Variants in SMARCB1 observed in about 807,000 individuals in gnomAD.
SMARCB1 encodes the protein SWI/SNF related BAF chromatin remodeling complex subunit B1.
Under a neutral mutation model 49.0 loss-of-function variants are expected in SMARCB1, and 5 were observed. The observed-to-expected ratio is 0.10, with a 90% CI of 0.05 to 0.21. The LOEUF (loss-of-function observed/expected upper bound fraction) is 0.21. SMARCB1 is among the 10% of genes least tolerant of loss of function. The probability of loss-of-function intolerance (pLI) is 1.00; values close to 1 mark genes in which losing one functional copy is unlikely to be tolerated. For synonymous variants in SMARCB1, 201 were observed against 200.1 expected, an observed-to-expected ratio of 1.00 and a Z score of -0.04; for missense variants, 226 against 509.2, an observed-to-expected ratio of 0.44 and a Z score of 5.35.
chr22:23,798,514 C>T (rs1928916162), intron 3 of SMARCB1, among the ~76,000 whole-genome samples: 1 of 152,190 alleles, frequency 6.6e-6, no homozygotes, highest in Admixed American at 6.5e-5. Context: ...ATAGTCTCTG[C>T]CCAAGCTGAT....
chr22:23,837,416 C>G lies in SMARCB1; in HGVS notation c.*3236C>G, dbSNP rs9612486. The G allele has an allele frequency of 0.13, 83,014 of 640,772 alleles. 6,235 individuals are homozygous for G. The highest frequency in any genetic ancestry group is 0.27 in the South Asian group (13,395 of 49,882). 39.7% of individuals were successfully genotyped at this position (640,772 alleles called of 1,614,324 possible). A position where few individuals can be genotyped will look rare whatever the true frequency, so the allele number is the denominator to read the frequency against. The stretch of plus-strand genomic sequence containing the variant: ...GCCATGGGGCAGGAACCCTGACCCT[C>G]CCATCCTCACTCCCATCAGGACCGT... On this transcript the variant is annotated 3_prime_UTR_variant, in exon 9 of 9. Coordinates refer to ENST00000644036, the MANE Select transcript of SMARCB1 (RefSeq NM_003073.5).
Position 23,836,304 on chromosome 22 carries a change from C to A in SMARCB1, c.*2124C>A, listed in dbSNP as rs2031041805. On this transcript the variant is annotated 3_prime_UTR_variant, in exon 9 of 9. Transcript: ENST00000644036. ...AAAAATGAGGCATACGCCCACCTGT[C>A]AGGGTGGCTGATGAGAGACAGGAGA... 1.0e-6 allele frequency: 1 copy of A among 985,512 alleles called. No homozygotes were observed. The highest frequency in any genetic ancestry group is 1.2e-6 in the Non-Finnish European group (1 of 829,960). The allele number at this position is 985,512 out of a possible 1,614,324, so 61.0% of individuals were successfully genotyped here. A position where few individuals can be genotyped will look rare whatever the true frequency, so the allele number is the denominator to read the frequency against.
intron 7 of SMARCB1, chr22:23,825,687 C>T: frequency 2.0e-6 from 1 of 505,474 alleles, no homozygotes; most frequent in East Asian, 3.4e-5. Flanking sequence ...CTCCACGGAG[C>T]CCTGGCCTGC....
chr22:23,809,502 C>A (rs1390735831), intron 5 of SMARCB1, among the ~76,000 whole-genome samples: 1 of 150,578 alleles, frequency 6.6e-6, no homozygotes, highest in African/African-American at 2.4e-5. Flanking sequence ...CCTTGAACTC[C>A]CCACCTCAGG....
intron 3 of SMARCB1, among the ~76,000 whole-genome samples, chr22:23,794,234 G>A (rs1928603558): frequency 6.6e-6 from 1 of 152,212 alleles, no homozygotes; most frequent in African/African-American, 2.4e-5. Flanking sequence ...GAGCCACCGC[G>A]CCCGGTCCTG....
At chr22:23,830,146 G>A (rs796326713) in intron 7 of SMARCB1, among the ~76,000 whole-genome samples, 4 of 152,300 alleles carry the variant, frequency 2.6e-5, no homozygotes, top group African/African-American at 9.6e-5. Context: ...GTGAACATCT[G>A]TTTTCAATTT....
At chr22:23,819,694 T>C (rs1439038718) in intron 6 of SMARCB1, among the ~76,000 whole-genome samples, 1 of 151,912 alleles carries the variant, frequency 6.6e-6, no homozygotes, top group African/African-American at 2.4e-5. Context: ...TCCTGGATCG[T>C]ACAGTAATTC....
intron 5 of SMARCB1, among the ~76,000 whole-genome samples, chr22:23,814,446 A>C (rs1236677209): frequency 6.6e-6 from 1 of 152,114 alleles, no homozygotes; most frequent in Non-Finnish European, 1.5e-5. Context: ...TGGGCAGATC[A>C]CCTGAGATCA....
Position 23,816,863 on chromosome 22 carries a change from T to C in SMARCB1, c.722T>C (p.Ile241Thr), listed in dbSNP as rs2146010028. The C allele has an allele frequency of 6.2e-7, 1 of 1,614,086 alleles. No homozygotes were observed. Residue 241 changes from isoleucine (I) to threonine (T), a missense_variant, in exon 6 of 9, where the codon ATC becomes ACC. Transcript: ENST00000644036. The stretch of plus-strand genomic sequence containing the variant: ...TTTGTGCCAGCCATCGCCTCTGCCA[T>C]CAGACAGCAGATCGAGTCCTACCCC... ...LTFVPAIASA[I>T]RQQIESYPTD...
intron 5 of SMARCB1, among the ~76,000 whole-genome samples, chr22:23,806,102 C>T (rs1929477739): frequency 1.3e-5 from 2 of 152,196 alleles, no homozygotes; most frequent in African/African-American, 2.4e-5. Flanking sequence ...GGGAGTTGGG[C>T]GTGGCTCTGG....
At chr22:23,813,311 G>A (rs1297996529) in intron 5 of SMARCB1, among the ~76,000 whole-genome samples, 1 of 152,224 alleles carries the variant, frequency 6.6e-6, no homozygotes, top group Admixed American at 6.5e-5. Flanking sequence ...GGAAATAAAA[G>A]ACGTGTAGAT....
At chr22:23,799,273 CT>C (rs1036818772) in intron 3 of SMARCB1, among the ~76,000 whole-genome samples, 4 of 151,320 alleles carry the variant, frequency 2.6e-5, no homozygotes, top group African/African-American at 9.7e-5. Context: ...TTTAAAACAG[CT>C]TTTGGTATTT....
chr22:23,800,888 G>T (rs1392874492), intron 3 of SMARCB1, 56 bp from the exon 4 acceptor site: 1 of 1,306,320 alleles, frequency 7.7e-7, no homozygotes, highest in Admixed American at 1.7e-5. Flanking sequence ...TTGATTCCTG[G>T]TGGGCAGGAT....
intron 1 of SMARCB1, among the ~76,000 whole-genome samples, chr22:23,789,211 A>C (rs1041180201): frequency 5.0e-4 from 76 of 152,206 alleles, no homozygotes; most frequent in African/African-American, 1.7e-3. Flanking sequence ...TGTCACTTAA[A>C]TTACAACTGT....
At chr22:23,802,190 C>T (rs983235984) in intron 4 of SMARCB1, 1 of 152,832 alleles carries the variant, frequency 6.5e-6, no homozygotes, top group Admixed American at 6.5e-5. Flanking sequence ...CCCCATCACC[C>T]TCGGAGCAGA....
At chr22:23,831,325 G>A (rs558801653) in intron 7 of SMARCB1, among the ~76,000 whole-genome samples, 5 of 152,328 alleles carry the variant, frequency 3.3e-5, no homozygotes, top group Middle Eastern at 3.4e-3. Flanking sequence ...ATACTCGACC[G>A]GCATCAGTCC....
intron 6 of SMARCB1, chr22:23,824,932 G>A: frequency 1.9e-6 from 1 of 518,882 alleles, no homozygotes; most frequent in Middle Eastern, 5.2e-4. Context: ...ACCAGCACAG[G>A]GCACAGGGGA....
chr22:23,834,637 C>T lies in SMARCB1; in HGVS notation c.*457C>T. The T allele has an allele frequency of 8.2e-6, 7 of 851,864 alleles. No homozygotes were observed. Among genetic ancestry groups the T allele is most frequent in the Non-Finnish European group, 1.3e-5 (7 of 544,254 alleles). 52.8% of individuals were successfully genotyped at this position (851,864 alleles called of 1,614,324 possible). Reference sequence around the variant, plus strand: ...AGGTTGGCACACAGGCCTCACCCTCCTCTGCCTCAGATTCCCAAGTGGGCA... The same window carrying T: ...AGGTTGGCACACAGGCCTCACCCTCTTCTGCCTCAGATTCCCAAGTGGGCA... On this transcript the variant is annotated 3_prime_UTR_variant, in exon 9 of 9. Transcript: ENST00000644036.
At chr22:23,798,663 C>G (rs1246122868) in intron 3 of SMARCB1, among the ~76,000 whole-genome samples, 1 of 152,112 alleles carries the variant, frequency 6.6e-6, no homozygotes, top group Non-Finnish European at 1.5e-5. Context: ...AGAGTCCAGG[C>G]AGGTCTTGGC....
Sources: gnomAD v4.1 joint callset for allele counts (sites outside exome capture counted in the v4.1 genomes callset) on GRCh38, gnomAD v4.1.1 for gene constraint, MANE v1.5 for transcripts, NCBI Gene and HGNC (gene_info 2026-07-23, HGNC 2026-07-21) for gene names.